EPB41L4A: variants seen among roughly 807,000 people sequenced by gnomAD.
EPB41L4A encodes band 4.1-like protein 4A.
A neutral mutation model predicts 108.6 loss-of-function variants in EPB41L4A; 100 were observed. The ratio of observed to expected loss-of-function variants is 0.92; its 90% CI spans 0.78 to 1.09. EPB41L4A has a LOEUF of 1.09. Among genes scored for constraint, EPB41L4A ranks in the 50% least tolerant of loss-of-function variants. EPB41L4A has a pLI of 0.00. For synonymous variants in EPB41L4A, 319 were observed against 289.0 expected, an observed-to-expected ratio of 1.10 and a Z score of -1.05; for missense variants, 1,030 against 842.7, an observed-to-expected ratio of 1.22 and a Z score of -2.75.
chr5:112,311,635 A>G (rs553241413), intron 1 of EPB41L4A, among the ~76,000 whole-genome samples: 1 of 152,216 alleles, frequency 6.6e-6, no homozygotes, highest in Non-Finnish European at 1.5e-5. Flanking sequence ...AATTTTTCTT[A>G]TCATTTCTGG....
At chr5:112,178,448 C>T (rs1464425198) in intron 18 of EPB41L4A, among the ~76,000 whole-genome samples, 2 of 152,126 alleles carry the variant, frequency 1.3e-5, no homozygotes, top group East Asian at 1.9e-4. Flanking sequence ...TATCAGCTAA[C>T]TGCATCTATT....
At chr5:112,419,598 A>T (rs1027869296), upstream of EPB41L4A, 4 of 454,556 alleles carry the variant, frequency 8.8e-6, no homozygotes, top group Admixed American at 2.3e-5. Context: ...TCCGCCGAGT[A>T]TGAAGCGCTC....
intron 13 of EPB41L4A, chr5:112,205,871 G>C (rs995867641): frequency 5.0e-6 from 1 of 199,768 alleles, no homozygotes; most frequent in Non-Finnish European, 1.0e-5. Context: ...TCTTCAGCCT[G>C]GCTCCCTTTT....
At chr5:112,282,744 G>A (rs1389881280) in intron 2 of EPB41L4A, among the ~76,000 whole-genome samples, 2 of 152,182 alleles carry the variant, frequency 1.3e-5, no homozygotes, top group African/African-American at 4.8e-5. Flanking sequence ...ATATGTGCTT[G>A]TGGCAAGAAG....
At chr5:112,319,282 G>C (rs1580677133) in intron 1 of EPB41L4A, among the ~76,000 whole-genome samples, 1 of 152,204 alleles carries the variant, frequency 6.6e-6, no homozygotes, top group South Asian at 2.1e-4. Context: ...AAAAATGATA[G>C]TGTCAGATTA....
intron 22 of EPB41L4A, among the ~76,000 whole-genome samples, chr5:112,167,017 C>T (rs1211989535): frequency 6.6e-6 from 1 of 150,464 alleles, no homozygotes; most frequent in Non-Finnish European, 1.5e-5. Flanking sequence ...TCTTGTATCC[C>T]GCAAAGTGAA....
At chr5:112,377,110 TGAGAA>T (rs745941597) in intron 1 of EPB41L4A, among the ~76,000 whole-genome samples, 13 of 151,246 alleles carry the variant, frequency 8.6e-5, no homozygotes, top group Non-Finnish European at 1.5e-4. Context: ...GAGGCTGAGA[TGAGAA>T]GATCACTCAA....
chr5:112,278,774 C>G (rs1303212640), intron 3 of EPB41L4A, among the ~76,000 whole-genome samples: 1 of 151,378 alleles, frequency 6.6e-6, no homozygotes, highest in Non-Finnish European at 1.5e-5. Context: ...AAATAATTGG[C>G]TGGGTGCAAT....
chr5:112,327,618 G>A (rs573294434), intron 1 of EPB41L4A, among the ~76,000 whole-genome samples: 5 of 152,088 alleles, frequency 3.3e-5, no homozygotes, highest in Non-Finnish European at 5.9e-5. Flanking sequence ...CTGGAGGCTG[G>A]GTTGGGAAGA....
At chr5:112,156,752 A>T (rs1051340052) in intron 12 of EPB41L4A, among the ~76,000 whole-genome samples, 6 of 152,230 alleles carry the variant, frequency 3.9e-5, no homozygotes, top group Non-Finnish European at 8.8e-5. Flanking sequence ...ATCCAATGCA[A>T]TTCCAATAAA....
At chr5:112,307,030 A>G (rs17134333) in intron 2 of EPB41L4A, among the ~76,000 whole-genome samples, 7,053 of 152,100 alleles carry the variant, frequency 0.046, 585 homozygotes, top group East Asian at 0.35. Flanking sequence ...GGCAATTAAT[A>G]TCTCTCACCT....
intron 1 of EPB41L4A, among the ~76,000 whole-genome samples, chr5:112,395,799 T>C (rs999212011): frequency 2.0e-5 from 3 of 152,230 alleles, no homozygotes; most frequent in African/African-American, 4.8e-5. Flanking sequence ...TGCACACTTA[T>C]GTTTATTGTG....
chr5:112,319,162 A>C (rs770237343), intron 1 of EPB41L4A, among the ~76,000 whole-genome samples: 1 of 152,188 alleles, frequency 6.6e-6, no homozygotes, highest in Non-Finnish European at 1.5e-5. Context: ...AAAAATGGAA[A>C]CAGTGTTCAA....
At chr5:112,170,882 TC>T in intron 19 of EPB41L4A, 62 bp downstream of exon 19, 2 of 1,458,722 alleles carry the variant, frequency 1.4e-6, no homozygotes, top group Non-Finnish European at 1.9e-6. Context: ...TCAGGAGTCT[TC>T]CTTGCAATTG....
At position 112,195,552 on chromosome 5, in the gene EPB41L4A, T is replaced by G. The variant is rs984561047; in HGVS notation, c.1424+109A>C. 7 of 904,016 alleles carry G rather than the reference T, an allele frequency of 7.7e-6. No individual in the cohort carries two copies. The Admixed American group carries it at 1.8e-4, about 24-fold the overall frequency. 56.0% of individuals were successfully genotyped at this position (904,016 alleles called of 1,614,324 possible). A position where few individuals can be genotyped will look rare whatever the true frequency, so the allele number is the denominator to read the frequency against. On this transcript the variant is annotated intron_variant, in intron 16 of 22. Coordinates refer to ENST00000261486, the MANE Select transcript of EPB41L4A (RefSeq NM_022140.5). ...CTGAAGACAAACTGGCTTTTGAAAG[T>G]AAAAAAAATAAAAAAAAATAATGCC...
intron 1 of EPB41L4A, among the ~76,000 whole-genome samples, chr5:112,316,383 G>A (rs186754636): frequency 1.3e-5 from 2 of 152,170 alleles, no homozygotes; most frequent in Non-Finnish European, 2.9e-5. Flanking sequence ...CTAGTTCTCT[G>A]GGAAAACTTA....
chr5:112,141,998 A>C (rs1286017865), downstream of EPB41L4A, among the ~76,000 whole-genome samples: 1 of 152,202 alleles, frequency 6.6e-6, no homozygotes, highest in Non-Finnish European at 1.5e-5. Context: ...ACATGAAAGG[A>C]GGATTTGAGC....
chr5:112,196,854 T>C (rs1314611938), intron 15 of EPB41L4A: 1 of 152,234 alleles, frequency 6.6e-6, no homozygotes, highest in Non-Finnish European at 1.5e-5. Context: ...ACAAAGTGGT[T>C]TCAAACTCTC....
At chr5:112,173,496 C>A (rs905323689) in intron 18 of EPB41L4A, 1 of 150,648 alleles carries the variant, frequency 6.6e-6, no homozygotes, top group African/African-American at 2.4e-5. Context: ...ATTTTCTGAT[C>A]TTTTTAAGCC....
Sources: gnomAD v4.1 joint callset for allele counts (sites outside exome capture counted in the v4.1 genomes callset) on GRCh38, gnomAD v4.1.1 for gene constraint, MANE v1.5 for transcripts, NCBI Gene and HGNC (gene_info 2026-07-23, HGNC 2026-07-21) for gene names.